Variants in LRRTM4 observed in about 807,000 individuals in gnomAD.
The protein encoded by LRRTM4 is leucine rich repeat transmembrane neuronal 4.
LRRTM4 carries 25 observed loss-of-function variants against 47.6 expected under a neutral mutation model. The ratio of observed to expected loss-of-function variants is 0.53; its 90% CI spans 0.38 to 0.73. The LOEUF is 0.73. Ranked by LOEUF, LRRTM4 falls within the 30% of genes least tolerant of loss-of-function variation. The pLI, the probability that LRRTM4 is intolerant of heterozygous loss-of-function variation, is 0.00. For synonymous variants in LRRTM4, 311 were observed against 269.5 expected (o/e 1.15, Z -1.51); for missense variants, 638 against 713.4 (o/e 0.89, Z 1.20).
chr2:77,195,608 A>T (rs536624544), intron 3 of LRRTM4, among the ~76,000 whole-genome samples: 70 of 152,296 alleles, frequency 4.6e-4, no homozygotes, highest in Admixed American at 1.4e-3. Flanking sequence ...TTAAGCTAAC[A>T]TGATAAAGAT....
intron 3 of LRRTM4, among the ~76,000 whole-genome samples, chr2:76,928,103 C>T (rs1674648578): frequency 6.6e-6 from 1 of 152,062 alleles, no homozygotes; most frequent in African/African-American, 2.4e-5. Context: ...ATATAATAGT[C>T]ACATAATAAA....
At chr2:76,865,005 T>G (rs1300735877) in intron 3 of LRRTM4, among the ~76,000 whole-genome samples, 1 of 151,678 alleles carries the variant, frequency 6.6e-6, no homozygotes, top group Admixed American at 6.6e-5. Flanking sequence ...CAAATCTTGA[T>G]TCTTACTTAA....
At chr2:77,072,108 T>G in intron 3 of LRRTM4, among the ~76,000 whole-genome samples, 1 of 152,120 alleles carries the variant, frequency 6.6e-6, no homozygotes, top group Non-Finnish European at 1.5e-5. Flanking sequence ...ATAAAATTTA[T>G]CTGAAAAACT....
chr2:76,899,530 G>A (rs1274597605), intron 3 of LRRTM4, among the ~76,000 whole-genome samples: 1 of 152,116 alleles, frequency 6.6e-6, no homozygotes, highest in African/African-American at 2.4e-5. Flanking sequence ...ATGCCTGGGA[G>A]AAGATATCCT....
chr2:77,022,720 G>C (rs542247384), intron 3 of LRRTM4, among the ~76,000 whole-genome samples: 2 of 152,328 alleles, frequency 1.3e-5, no homozygotes, highest in African/African-American at 4.8e-5. Context: ...AGGTCATGCT[G>C]ATGTAAGAAA....
intron 3 of LRRTM4, among the ~76,000 whole-genome samples, chr2:76,873,504 G>GTATATA (rs1371189658): frequency 1.4e-3 from 106 of 73,198 alleles, no homozygotes; most frequent in East Asian, 0.013. Context: ...ATATATATGT[G>GTATATA]TGTATATATA....
intron 3 of LRRTM4, among the ~76,000 whole-genome samples, chr2:76,925,710 A>C (rs1278942614): frequency 6.6e-6 from 1 of 152,046 alleles, no homozygotes; most frequent in Non-Finnish European, 1.5e-5. Context: ...TCTCACTAAC[A>C]CAATTTTTTA....
At chr2:77,255,405 T>C (rs886524870) in intron 3 of LRRTM4, among the ~76,000 whole-genome samples, 1 of 152,030 alleles carries the variant, frequency 6.6e-6, no homozygotes, top group South Asian at 2.1e-4. Context: ...AGTATCACTA[T>C]CATTAAACTA....
At chr2:77,005,033 C>A (rs1157344171) in intron 3 of LRRTM4, among the ~76,000 whole-genome samples, 1 of 152,070 alleles carries the variant, frequency 6.6e-6, no homozygotes. Flanking sequence ...TTACAGGCTC[C>A]TAGATGGAAG....
chr2:77,045,909 G>A (rs1360445462), intron 3 of LRRTM4, among the ~76,000 whole-genome samples: 2 of 151,802 alleles, frequency 1.3e-5, no homozygotes, highest in African/African-American at 2.4e-5. Flanking sequence ...CACTTGGTTT[G>A]AACAAAGATC....
At chr2:77,413,049 T>G (rs1489921010) in intron 3 of LRRTM4, among the ~76,000 whole-genome samples, 3 of 152,174 alleles carry the variant, frequency 2.0e-5, no homozygotes, top group Admixed American at 6.5e-5. Flanking sequence ...GACTTCTCCT[T>G]TTTTGGAGAC....
At chr2:77,053,294 A>T (rs189361216) in intron 3 of LRRTM4, among the ~76,000 whole-genome samples, 4 of 152,334 alleles carry the variant, frequency 2.6e-5, no homozygotes, top group Admixed American at 1.3e-4. Flanking sequence ...ATACTTTTAA[A>T]TACTAAGTAA....
chr2:77,146,454 T>G (rs1323560875), intron 3 of LRRTM4, among the ~76,000 whole-genome samples: 1 of 152,106 alleles, frequency 6.6e-6, no homozygotes, highest in African/African-American at 2.4e-5. Flanking sequence ...CTTTTACAGC[T>G]AAAAAGTTAA....
At chr2:77,039,320 G>A (rs55665810) in intron 3 of LRRTM4, among the ~76,000 whole-genome samples, 2 of 111,944 alleles carry the variant, frequency 1.8e-5, no homozygotes, top group Admixed American at 8.7e-5. Context: ...TTTTAAAATT[G>A]TAAGTCTTTT....
chr2:76,852,714 ACT>A (rs1301653216), intron 3 of LRRTM4, among the ~76,000 whole-genome samples: 4 of 152,236 alleles, frequency 2.6e-5, no homozygotes, highest in African/African-American at 9.6e-5. Flanking sequence ...GGCACTCTTA[ACT>A]CTTTCAGAAC....
intron 3 of LRRTM4, among the ~76,000 whole-genome samples, chr2:76,923,931 T>C (rs1211615532): frequency 2.0e-5 from 3 of 152,136 alleles, no homozygotes; most frequent in African/African-American, 7.2e-5. Flanking sequence ...AATGGCTCTA[T>C]ATATGAGGCA....
At chr2:77,477,828 G>A (rs1259616350) in intron 3 of LRRTM4, among the ~76,000 whole-genome samples, 1 of 118,860 alleles carries the variant, frequency 8.4e-6, no homozygotes, top group Non-Finnish European at 1.7e-5. Flanking sequence ...AACAAGGCTG[G>A]AGCAAAACTC....
At chr2:77,275,399 A>G (rs1327632302) in intron 3 of LRRTM4, among the ~76,000 whole-genome samples, 1 of 152,196 alleles carries the variant, frequency 6.6e-6, no homozygotes, top group Non-Finnish European at 1.5e-5. Flanking sequence ...TTATTTTTAT[A>G]GAACCAAATA....
At chr2:77,351,908 G>A (rs914147030) in intron 3 of LRRTM4, among the ~76,000 whole-genome samples, 2 of 151,944 alleles carry the variant, frequency 1.3e-5, no homozygotes, top group African/African-American at 4.8e-5. Context: ...TGTAGAAATG[G>A]TTGATAATAC....
Sources: allele counts gnomAD v4.1 joint callset (sites outside exome capture counted in the v4.1 genomes callset), GRCh38; gene constraint gnomAD v4.1.1; transcripts MANE v1.5; gene names NCBI Gene and HGNC (gene_info 2026-07-23, HGNC 2026-07-21).